The following TBC1D1 variants were observed in gnomAD, a reference collection of about 807,000 sequenced individuals.
The protein encoded by TBC1D1 is TBC1 (tre-2/USP6, BUB2, cdc16) domain family, member 1.
A neutral mutation model predicts 125.6 loss-of-function variants in TBC1D1; 89 were observed. The ratio of observed to expected loss-of-function variants is 0.71; its 90% CI spans 0.60 to 0.85. The LOEUF (loss-of-function observed/expected upper bound fraction) is 0.85. TBC1D1 is among the 40% of genes least tolerant of loss of function. The probability of loss-of-function intolerance (pLI) is 0.00; values close to 1 mark genes in which losing one functional copy is unlikely to be tolerated. For missense variants in TBC1D1, 1,377 were observed against 1,469.2 expected (o/e 0.94, Z 1.03); for synonymous variants, 565 against 564.1 (o/e 1.00, Z -0.02).
chr4:38,097,347 T>G (rs1195767620), intron 14 of TBC1D1, among the ~76,000 whole-genome samples: 1 of 149,394 alleles, frequency 6.7e-6, no homozygotes, highest in African/African-American at 2.5e-5. Flanking sequence ...TGGGTTTTTT[T>G]TTTTTTTTTT....
intron 2 of TBC1D1, among the ~76,000 whole-genome samples, chr4:38,001,741 C>G (rs1377053525): frequency 6.6e-6 from 1 of 152,200 alleles, no homozygotes. Context: ...CCAAATAGTT[C>G]TTATTATATC....
intron 2 of TBC1D1, among the ~76,000 whole-genome samples, chr4:38,007,451 C>G (rs953964867): frequency 6.6e-6 from 1 of 152,046 alleles, no homozygotes; most frequent in East Asian, 1.9e-4. Flanking sequence ...CGGGGTTTCA[C>G]CTTGTTGGTC....
intron 2 of TBC1D1, among the ~76,000 whole-genome samples, chr4:38,011,634 G>A (rs1376277367): frequency 3.9e-5 from 6 of 152,082 alleles, no homozygotes. Flanking sequence ...TAACTTCTTG[G>A]TGCTTCTGAA....
At chr4:38,037,724 A>ACAGTGAGCGCTTC (rs1311373800) in intron 8 of TBC1D1, among the ~76,000 whole-genome samples, 4 of 152,230 alleles carry the variant, frequency 2.6e-5, no homozygotes, top group Non-Finnish European at 5.9e-5. Context: ...CGGACAGAGG[A>ACAGTGAGCGCTTC]CAGTGAGCGC....
intron 6 of TBC1D1, among the ~76,000 whole-genome samples, chr4:38,024,180 A>G (rs1744631914): frequency 6.6e-6 from 1 of 152,220 alleles, no homozygotes; most frequent in Non-Finnish European, 1.5e-5. Context: ...CGTTGTTACT[A>G]TTTGCTGACA....
At chr4:37,986,509 G>A (rs902581178) in intron 2 of TBC1D1, among the ~76,000 whole-genome samples, 2 of 152,108 alleles carry the variant, frequency 1.3e-5, no homozygotes, top group African/African-American at 4.8e-5. Flanking sequence ...GCAGTGGCGC[G>A]ATCTCGGCTC....
intron 6 of TBC1D1, among the ~76,000 whole-genome samples, chr4:38,024,407 G>C (rs1339042981): frequency 2.0e-5 from 3 of 152,190 alleles, no homozygotes; most frequent in South Asian, 2.1e-4. Context: ...AGCTCCCCTT[G>C]ATAAATCTTT....
At chr4:38,098,131 C>G (rs1008157795) in intron 14 of TBC1D1, among the ~76,000 whole-genome samples, 1 of 152,252 alleles carries the variant, frequency 6.6e-6, no homozygotes, top group Non-Finnish European at 1.5e-5. Context: ...TTTCTGGGCT[C>G]TTGCCCCCTT....
intron 18 of TBC1D1, among the ~76,000 whole-genome samples, chr4:38,127,451 C>T (rs1402017555): frequency 2.2e-5 from 3 of 139,474 alleles, no homozygotes; most frequent in Admixed American, 8.0e-5. Context: ...GTGGTGTGAT[C>T]TTGGCTCACT....
At chr4:38,133,892 G>T (rs1766023767) in intron 19 of TBC1D1, among the ~76,000 whole-genome samples, 1 of 152,126 alleles carries the variant, frequency 6.6e-6, no homozygotes, top group South Asian at 2.1e-4. Context: ...AGCTGGCCAG[G>T]TCCAGCATCA....
Position 38,054,242 on chromosome 4 carries a change from AC to A in TBC1D1, c.1955del (p.Thr652IlefsTer3), listed in dbSNP as rs757483678. On this transcript the variant is annotated frameshift_variant, in exon 12 of 20. Transcript: ENST00000261439. LOFTEE classifies it high-confidence loss of function. Reference sequence around the variant, plus strand: ...AAACCATCTTGGTGATTCTGGTGGGACTCCTGTGAAGACCCGGAGGCATTCC... The same window carrying A: ...AAACCATCTTGGTGATTCTGGTGGGATCCTGTGAAGACCCGGAGGCATTCC... 9.3e-6 allele frequency: 15 copies of A among 1,614,066 alleles called. No homozygotes were observed. The African/African-American group carries it at 1.5e-4, about 16-fold the overall frequency.
At chr4:38,069,756 C>T (rs1343538735) in intron 12 of TBC1D1, among the ~76,000 whole-genome samples, 1 of 152,208 alleles carries the variant, frequency 6.6e-6, no homozygotes, top group East Asian at 1.9e-4. Context: ...CTCAGGGTCA[C>T]TTACCCAGGG....
intron 2 of TBC1D1, among the ~76,000 whole-genome samples, chr4:37,938,670 A>G (rs1724904808): frequency 6.6e-6 from 1 of 152,034 alleles, no homozygotes; most frequent in South Asian, 2.1e-4. Flanking sequence ...TCCTAATGCT[A>G]TGCCTCCCTC....
intron 2 of TBC1D1, among the ~76,000 whole-genome samples, chr4:38,013,991 C>T (rs966200059): frequency 1.3e-5 from 2 of 152,198 alleles, no homozygotes; most frequent in African/African-American, 2.4e-5. Context: ...GAGATAATTT[C>T]AGAGCCTTTG....
intron 12 of TBC1D1, among the ~76,000 whole-genome samples, chr4:38,082,851 T>C (rs1756812282): frequency 6.6e-6 from 1 of 152,076 alleles, no homozygotes; most frequent in Non-Finnish European, 1.5e-5. Flanking sequence ...CCAGACTGAG[T>C]CAGGACTTTT....
At chr4:37,954,255 GC>G (rs1254065381) in intron 2 of TBC1D1, among the ~76,000 whole-genome samples, 2 of 152,140 alleles carry the variant, frequency 1.3e-5, no homozygotes, top group Non-Finnish European at 2.9e-5. Context: ...TATCTCATTG[GC>G]CAGACGTGGG....
At chr4:38,055,949 C>T (rs931352816) in intron 12 of TBC1D1, among the ~76,000 whole-genome samples, 9 of 152,280 alleles carry the variant, frequency 5.9e-5, no homozygotes, top group Middle Eastern at 3.4e-3. Context: ...AAGAGTGCCT[C>T]GGTGTTGCGG....
chr4:38,129,077 C>A (rs1186834132), intron 18 of TBC1D1, among the ~76,000 whole-genome samples: 2 of 152,162 alleles, frequency 1.3e-5, no homozygotes, highest in African/African-American at 4.8e-5. Flanking sequence ...CATCTGGGGC[C>A]ACACCCGAGA....
intron 12 of TBC1D1, among the ~76,000 whole-genome samples, chr4:38,065,869 C>A (rs908020912): frequency 6.6e-6 from 1 of 152,002 alleles, no homozygotes; most frequent in Non-Finnish European, 1.5e-5. Context: ...AGGCTGGTCT[C>A]GAACTCCTGA....
Sources: allele counts gnomAD v4.1 joint callset (sites outside exome capture counted in the v4.1 genomes callset), GRCh38; gene constraint gnomAD v4.1.1; transcripts MANE v1.5; gene names NCBI Gene and HGNC (gene_info 2026-07-23, HGNC 2026-07-21).